The following SEMA4D variants were observed in gnomAD, a reference collection of about 807,000 sequenced individuals.
SEMA4D encodes semaphorin-4D.
In SEMA4D, 22 loss-of-function variants were observed where a neutral mutation model predicts 74.8. That is an observed-to-expected ratio of 0.29 (90% CI 0.21 to 0.42). The LOEUF (loss-of-function observed/expected upper bound fraction) is 0.42, where lower values mean the gene tolerates loss of function less well. SEMA4D is among the 10% of genes least tolerant of loss of function. The probability of loss-of-function intolerance (pLI) is 1.00; values close to 1 mark genes in which losing one functional copy is unlikely to be tolerated. For synonymous variants in SEMA4D, 445 were observed against 463.7 expected, an observed-to-expected ratio of 0.96 and a Z score of 0.52; for missense variants, 937 against 1,118.4, an observed-to-expected ratio of 0.84 and a Z score of 2.31.
At position 89,388,786 on chromosome 9, in the gene SEMA4D, G is replaced by T. The variant is rs74844458; in HGVS notation, c.957C>A (p.Asn319Lys). The T allele has an allele frequency of 6.2e-7, 1 of 1,605,878 alleles. No individual in the cohort carries two copies. Among genetic ancestry groups the T allele is most frequent in the Non-Finnish European group, 8.5e-7 (1 of 1,174,028 alleles). ...AGGCGCACACTGCCGACAGCCCCAC[G>T]TTGTTCCTGGGGAGGGGAAAGAGGT... ...FYALFTPQLN[N>K]VGLSAVCAYN... The change falls in exon 11 of 16, where the codon AAC becomes AAA. Residue 319 changes from asparagine to lysine, a missense_variant. Transcript: ENST00000422704.
At chr9:89,469,053 G>A (rs1859484201) in intron 1 of SEMA4D, among the ~76,000 whole-genome samples, 1 of 152,118 alleles carries the variant, frequency 6.6e-6, no homozygotes, top group Non-Finnish European at 1.5e-5. Flanking sequence ...CTAGCCCTGA[G>A]GTCCTCATAT....
Position 89,405,334 on chromosome 9 carries a change from C to A in SEMA4D, c.106+17G>T, listed in dbSNP as rs762072038. 6.2e-7 allele frequency: 1 copy of A among 1,608,626 alleles called. No homozygotes were observed. Among genetic ancestry groups the A allele is most frequent in the Non-Finnish European group, 8.5e-7 (1 of 1,175,044 alleles). ...CCATCCCAGGCCATCAGCACCCCTG[C>A]AGGTTTCGTCACTCACCTCTGTGCT... On this transcript the variant is annotated intron_variant, in intron 3 of 15. Transcript: ENST00000422704.
rs773086576 is a variant in SEMA4D at position 89,391,132 on chromosome 9, C to T, written c.774+132G>A. Reference sequence around the variant, plus strand: ...CCCCAGAAATAAGATCCATTGAGAGCTGCATCTGAGGCCCAAGGGAATAAA... The same window carrying T: ...CCCCAGAAATAAGATCCATTGAGAGTTGCATCTGAGGCCCAAGGGAATAAA... On this transcript the variant is annotated intron_variant, in intron 9 of 15. Coordinates refer to ENST00000422704, the MANE Select transcript of SEMA4D (RefSeq NM_001371194.2). 5.3e-4 allele frequency: 463 copies of T among 866,178 alleles called. 1 individual carries two copies. The highest frequency in any genetic ancestry group is 7.2e-4 in the Non-Finnish European group (396 of 553,586). The allele number at this position is 866,178 out of a possible 1,614,324, so 53.7% of individuals were successfully genotyped here. A position where few individuals can be genotyped will look rare whatever the true frequency, so the allele number is the denominator to read the frequency against.
chr9:89,447,108 G>A (rs545801992), intron 2 of SEMA4D, among the ~76,000 whole-genome samples: 24 of 152,018 alleles, frequency 1.6e-4, no homozygotes, highest in South Asian at 2.1e-4. Flanking sequence ...GCTGCCTATC[G>A]GTCCTTCCAA....
intron 2 of SEMA4D, among the ~76,000 whole-genome samples, chr9:89,414,599 G>T (rs945714711): frequency 6.6e-6 from 1 of 152,202 alleles, no homozygotes; most frequent in African/African-American, 2.4e-5. Context: ...TCACTGCCTT[G>T]CAAACTGAGG....
Position 89,366,383 on chromosome 9 carries a change from T to TA in SEMA4D, c.1883-2434dup, listed in dbSNP as rs1241667929. Reference sequence around the variant, plus strand: ...TAATAATAATTTTTTATAAAAGTGTTACTTTGAAGGAAACATTCTGTAAAC... The same window carrying TA: ...TAATAATAATTTTTTATAAAAGTGTTAACTTTGAAGGAAACATTCTGTAAAC... On this transcript the variant is annotated intron_variant, in intron 16 of 18. Transcript: ENST00000339861. Among the ~76,000 whole-genome samples the TA allele has an allele frequency of 2.6e-5, 4 of 152,354 alleles. No individual in the cohort carries two copies. The South Asian group carries it at 6.2e-4, about 24-fold the overall frequency.
At chr9:89,423,694 T>A (rs1847452985) in intron 2 of SEMA4D, among the ~76,000 whole-genome samples, 1 of 151,728 alleles carries the variant, frequency 6.6e-6, no homozygotes, top group Admixed American at 6.6e-5. Flanking sequence ...CTCAGATACT[T>A]CCTTAGCACC....
intron 2 of SEMA4D, among the ~76,000 whole-genome samples, chr9:89,428,311 C>T (rs944052858): frequency 6.6e-6 from 1 of 152,240 alleles, no homozygotes; most frequent in African/African-American, 2.4e-5. Context: ...ACATTCGATG[C>T]TGCCCAGCAC....
In SEMA4D at chr9:89,479,702, A is replaced by T. The variant is rs184995315; in HGVS notation, c.-310+18217T>A. On this transcript the variant is annotated intron_variant, in intron 1 of 15. Transcript: ENST00000422704. ...TTCACGGTGAGTGTTACAGCTCTTA[A>T]GGCAGCGCGTCTGGAGTTGTTCGTT... is the stretch of plus-strand genomic sequence containing the variant. The T allele has an allele frequency of 4.6e-3, 746 of 161,682 alleles. 4 individuals are homozygous for T. Among genetic ancestry groups the T allele is most frequent in the Non-Finnish European group, 6.4e-3 (478 of 75,056 alleles). The allele number at this position is 161,682 out of a possible 1,614,324, so 10.0% of individuals were successfully genotyped here. A position where few individuals can be genotyped will look rare whatever the true frequency, so the allele number is the denominator to read the frequency against.
chr9:89,390,244 C>T (rs1839529488), intron 9 of SEMA4D, among the ~76,000 whole-genome samples: 1 of 152,152 alleles, frequency 6.6e-6, no homozygotes, highest in South Asian at 2.1e-4. Flanking sequence ...GCACGCCTGC[C>T]AGGAGCTCTG....
chr9:89,390,546 G>A (rs941991297), intron 9 of SEMA4D, among the ~76,000 whole-genome samples: 5 of 152,230 alleles, frequency 3.3e-5, no homozygotes, highest in African/African-American at 1.2e-4. Context: ...AGGCATGAAA[G>A]GAACCCTGCT....
chr9:89,424,612 G>A (rs577081485), intron 2 of SEMA4D, among the ~76,000 whole-genome samples: 18 of 151,526 alleles, frequency 1.2e-4, no homozygotes, highest in Middle Eastern at 6.8e-3. Flanking sequence ...GACCCTTCTC[G>A]AACCCTACTA....
intron 2 of SEMA4D, among the ~76,000 whole-genome samples, chr9:89,431,253 GGCTCCT>G (rs996721732): frequency 7.2e-5 from 11 of 152,252 alleles, no homozygotes; most frequent in South Asian, 4.1e-4. Flanking sequence ...TAACCCTGGC[GGCTCCT>G]GCTCCTGCTC....
At chr9:89,478,222 T>G (rs1212842866) in intron 1 of SEMA4D, among the ~76,000 whole-genome samples, 1 of 152,204 alleles carries the variant, frequency 6.6e-6, no homozygotes, top group African/African-American at 2.4e-5. Flanking sequence ...TCTTTCTAGA[T>G]GTAAGAATCT....
chr9:89,388,426 CTT>C (rs1379100438), intron 11 of SEMA4D, among the ~76,000 whole-genome samples: 3 of 152,250 alleles, frequency 2.0e-5, no homozygotes, highest in Admixed American at 6.5e-5. Flanking sequence ...CCCCAGCCTT[CTT>C]GTTTGTGCAA....
chr9:89,445,266 AC>A (rs1852554260), intron 2 of SEMA4D, among the ~76,000 whole-genome samples: 1 of 152,152 alleles, frequency 6.6e-6, no homozygotes, highest in African/African-American at 2.4e-5. Flanking sequence ...GCTCCCTGAA[AC>A]CCATGCACTG....
intron 2 of SEMA4D, among the ~76,000 whole-genome samples, chr9:89,415,443 A>C (rs1845507935): frequency 6.6e-6 from 1 of 152,138 alleles, no homozygotes; most frequent in African/African-American, 2.4e-5. Context: ...CTATGGTCTG[A>C]ATGTCTGGAT....
chr9:89,414,963 C>T (rs1231632183), intron 2 of SEMA4D, among the ~76,000 whole-genome samples: 12 of 152,190 alleles, frequency 7.9e-5, no homozygotes, highest in African/African-American at 2.4e-4. Flanking sequence ...AGACAGAGGG[C>T]GGTGGGAGTG....
chr9:89,416,355 G>A (rs528929328), intron 2 of SEMA4D, among the ~76,000 whole-genome samples: 4 of 152,340 alleles, frequency 2.6e-5, no homozygotes, highest in African/African-American at 9.6e-5. Context: ...TCAATGAGGG[G>A]CTGGTTAACA....
Sources: allele counts gnomAD v4.1 joint callset (sites outside exome capture counted in the v4.1 genomes callset), GRCh38; gene constraint gnomAD v4.1.1; transcripts MANE v1.5; gene names NCBI Gene and HGNC (gene_info 2026-07-23, HGNC 2026-07-21).